Variants in KRTCAP2 observed in about 807,000 individuals in gnomAD.
KRTCAP2 encodes keratinocyte associated protein 2.
In KRTCAP2, 10 loss-of-function variants were observed where a neutral mutation model predicts 16.5. The observed-to-expected ratio is 0.60, with a 90% CI of 0.37 to 1.02. KRTCAP2 has a LOEUF of 1.02. Ranked by LOEUF, KRTCAP2 falls within the 50% of genes least tolerant of loss-of-function variation. KRTCAP2 has a pLI of 0.01. For missense variants in KRTCAP2, 152 were observed against 159.6 expected (o/e 0.95, Z 0.26); for synonymous variants, 68 against 69.8 (o/e 0.97, Z 0.13).
chr1:155,170,002 T>C (rs939395359), intron 3 of KRTCAP2, 145 bp from the exon 4 acceptor site: 3 of 603,518 alleles, frequency 5.0e-6, no homozygotes, highest in African/African-American at 3.7e-5. Flanking sequence ...AGGAGGATTC[T>C]GATTACCTTA....
chr1:155,170,167 A>T (rs2147766385), intron 3 of KRTCAP2: 1 of 233,162 alleles, frequency 4.3e-6, no homozygotes, highest in East Asian at 9.8e-5. Context: ...AAAAAAAAAA[A>T]AATTGAATTA....
At chr1:155,169,652 C>G (rs1405883604) in intron 4 of KRTCAP2, 92 bp from the exon 5 acceptor site, 2 of 1,489,732 alleles carry the variant, frequency 1.3e-6, no homozygotes, top group Non-Finnish European at 1.9e-6. Context: ...GGAAAGAATC[C>G]AAGTTCAAGT....
chr1:155,170,930 T>G (rs1467695011), intron 3 of KRTCAP2: 1 of 152,168 alleles, frequency 6.6e-6, no homozygotes, highest in African/African-American at 2.4e-5. Flanking sequence ...CACCTCAGCT[T>G]CCCGAGTACC....
At chr1:155,171,560 G>A (rs1251205652) in intron 3 of KRTCAP2, 1 of 983,892 alleles carries the variant, frequency 1.0e-6, no homozygotes, top group Non-Finnish European at 1.2e-6. Flanking sequence ...CTAGAGGGGG[G>A]CAAAGAAATG....
Position 155,169,465 on chromosome 1 carries a change from G to A in KRTCAP2, c.386C>T (p.Thr129Ile), listed in dbSNP as rs1272587653. 3 of 1,613,962 alleles carry A rather than the reference G, an allele frequency of 1.9e-6. No individual in the cohort carries two copies. Among genetic ancestry groups the A allele is most frequent in the African/African-American group, 2.7e-5 (2 of 74,928 alleles). Residue 129 changes from threonine (T) to isoleucine (I), a missense_variant, in exon 5 of 5, where the codon ACA becomes ATA. By Grantham distance (89) the Thr-to-Ile change is moderately conservative. Coordinates refer to ENST00000295682, the MANE Select transcript of KRTCAP2 (RefSeq NM_173852.4). The stretch of plus-strand genomic sequence containing the variant: ...TCAGTTTCTCTTCTTGCTCTTGCCT[G>A]TGACCTTGGCTGGTGTGAGGACTGG... ...AAPVLTPAKV[T>I]GKSKKRN
intron 3 of KRTCAP2, chr1:155,171,765 G>A (rs1665252881): frequency 1.7e-6 from 1 of 605,154 alleles, no homozygotes; most frequent in South Asian, 7.4e-5. Context: ...GACTGAGGAG[G>A]GAAGATTGCT....
rs756082156 is a variant in KRTCAP2, at chr1:155,172,732, G to GGATA, written c.159+2_159+5dup. 1.2e-5 allele frequency: 19 copies of GGATA among 1,614,104 alleles called. No homozygotes were observed. In the African/African-American group the frequency reaches 2.5e-4, roughly 22 times the overall value. On this transcript the variant is annotated splice_donor_region_variant and intron_variant, in intron 2 of 4. Coordinates refer to ENST00000295682, the MANE Select transcript of KRTCAP2 (RefSeq NM_173852.4). The stretch of plus-strand genomic sequence containing the variant: ...GGCCCGCCCCCTCCAACTGCAGGGA[G>GGATA]GATACAGTGAGCGAGAACACGAAGA...
chr1:155,172,661 A>G, intron 2 of KRTCAP2, 33 bp from the exon 3 acceptor site: 1 of 1,614,112 alleles, frequency 6.2e-7, no homozygotes, highest in Non-Finnish European at 8.5e-7. Flanking sequence ...AGGGTGTGCA[A>G]CGGGGACAGA....
intron 1 of KRTCAP2, 34 bp from the exon 2 acceptor site, chr1:155,172,926 G>A: frequency 6.2e-7 from 1 of 1,607,616 alleles, no homozygotes; most frequent in Non-Finnish European, 8.5e-7. Context: ...GGAGAGTCAG[G>A]CTCCGCCCTC....
chr1:155,169,875 A>C lies in KRTCAP2; in HGVS notation c.224-18T>G, dbSNP rs763857669. The C allele has an allele frequency of 3.9e-6, 6 of 1,549,580 alleles. No individual in the cohort carries two copies. Among genetic ancestry groups the C allele is most frequent in the Middle Eastern group, 1.7e-4 (1 of 5,972 alleles). The stretch of plus-strand genomic sequence containing the variant: ...CAGGAGAACTAGGGAGGCAAGAAGA[A>C]CAAGGAGGGCAACGGTCAGAATGGA... On this transcript the variant is annotated intron_variant, in intron 3 of 4. Coordinates refer to ENST00000295682, the MANE Select transcript of KRTCAP2 (RefSeq NM_173852.4).
Position 155,169,850 on chromosome 1 carries a change from C to T in KRTCAP2, c.231G>A (p.Leu77=), listed in dbSNP as rs17854919. The change falls in exon 4 of 5, where the codon CTG becomes CTA. Residue 77 remains leucine (L), a synonymous_variant. Transcript: ENST00000295682. ...ATGCAAAGAGAGCCAACAGGAGGCA[C>T]AGGAGAACTAGGGAGGCAAGAAGAA... The part of the protein sequence containing the change: ...FQAKIFPEIL[L]CLLLALFASG... 1.3e-6 allele frequency: 2 copies of T among 1,588,868 alleles called. No individual in the cohort carries two copies. Among genetic ancestry groups the T allele is most frequent in the East Asian group, 2.3e-5 (1 of 44,058 alleles).
chr1:155,171,481 G>C (rs1044043778), intron 3 of KRTCAP2: 2 of 984,186 alleles, frequency 2.0e-6, no homozygotes, highest in Admixed American at 1.2e-4. Flanking sequence ...CTAACAGAGA[G>C]AAGTCCCGGG....
rs551900242 is a variant in KRTCAP2, at chr1:155,173,281, G to A, written c.-57C>T. The A allele has an allele frequency of 3.7e-6, 6 of 1,613,934 alleles. No individual in the cohort carries two copies. The Admixed American group carries it at 5.0e-5, about 13-fold the overall frequency. On this transcript the variant is annotated 5_prime_UTR_variant, in exon 1 of 5. Transcript: ENST00000295682. ...CTGGCCAAGAAAGGCGAGCTGAACC[G>A]GGTGCGGTTAGCTATGCGCATGCGT...
At chr1:155,170,743 G>A (rs1328708810) in intron 3 of KRTCAP2, 1 of 152,242 alleles carries the variant, frequency 6.6e-6, no homozygotes, top group Non-Finnish European at 1.5e-5. Context: ...CCCAGGTGGA[G>A]AGGGCAGAGA....
intron 1 of KRTCAP2, 46 bp from the exon 2 acceptor site, chr1:155,172,938 C>T (rs751072682): frequency 2.6e-5 from 42 of 1,598,970 alleles, no homozygotes; most frequent in Non-Finnish European, 3.6e-5. Context: ...TCCGCCCTCC[C>T]TCCGGCAAGC....
intron 3 of KRTCAP2, 185 bp downstream of exon 3, chr1:155,172,380 T>C: frequency 6.9e-7 from 1 of 1,440,940 alleles, no homozygotes; most frequent in Non-Finnish European, 9.1e-7. Context: ...AGGCCTTCTC[T>C]TCCAGCTCCA....
intron 3 of KRTCAP2, chr1:155,172,282 AG>A (rs1488685302): frequency 7.8e-7 from 1 of 1,285,900 alleles, no homozygotes; most frequent in African/African-American, 1.5e-5. Context: ...CCCAGCGAAT[AG>A]ATGCAAAACA....
chr1:155,169,925 T>C, intron 3 of KRTCAP2, 68 bp from the exon 4 acceptor site: 1 of 1,059,672 alleles, frequency 9.4e-7, no homozygotes, highest in Non-Finnish European at 1.4e-6. Context: ...GCACATGGAG[T>C]CCAGGAGAAA....
chr1:155,173,150 A>G, intron 1 of KRTCAP2, 71 bp downstream of exon 1: 1 of 1,330,588 alleles, frequency 7.5e-7, no homozygotes. Flanking sequence ...TCGGGAGAGG[A>G]CGAGGAAAGC....
Sources: allele counts gnomAD v4.1 joint callset, GRCh38; gene constraint gnomAD v4.1.1; transcripts MANE v1.5; gene names NCBI Gene and HGNC (gene_info 2026-07-23, HGNC 2026-07-21).